MYH11: variants seen among roughly 807,000 people sequenced by gnomAD.
The protein encoded by MYH11 is myosin heavy chain 11, also known as myosin-11.
Under a neutral mutation model 246.6 loss-of-function variants are expected in MYH11, and 80 were observed. The observed-to-expected ratio is 0.32, with a 90% confidence interval of 0.27 to 0.39. The LOEUF (loss-of-function observed/expected upper bound fraction) is 0.39, where lower values mean the gene tolerates loss of function less well. Ranked by LOEUF, MYH11 falls within the 10% of genes least tolerant of loss-of-function variation. The probability of loss-of-function intolerance (pLI) is 1.00; values close to 1 mark genes in which losing one functional copy is unlikely to be tolerated. For synonymous variants in MYH11, 1,071 were observed against 1,015.5 expected, an observed-to-expected ratio of 1.05 and a Z score of -1.04; for missense variants, 2,158 against 2,546.8, an observed-to-expected ratio of 0.85 and a Z score of 3.29.
chr16:15,767,761 C>T (rs748908525), intron 9 of MYH11, among the ~76,000 whole-genome samples: 2 of 151,634 alleles, frequency 1.3e-5, no homozygotes, highest in African/African-American at 2.4e-5. Flanking sequence ...AAGAGAAGAC[C>T]CACAGAGTAG....
intron 2 of MYH11, among the ~76,000 whole-genome samples, chr16:15,835,478 A>C (rs2043866563): frequency 6.6e-6 from 1 of 152,204 alleles, no homozygotes; most frequent in Non-Finnish European, 1.5e-5. Context: ...TTTCCTAATT[A>C]GGAAAAAAAT....
chr16:15,845,434 C>G (rs1334948771), intron 1 of MYH11, among the ~76,000 whole-genome samples: 2 of 152,032 alleles, frequency 1.3e-5, no homozygotes, highest in Non-Finnish European at 2.9e-5. Flanking sequence ...CACCAAGTAC[C>G]TTCTGTTTCT....
In MYH11 at chr16:15,718,339, G is replaced by A; in HGVS notation, c.5271C>T (p.Asp1757=). The part of the protein sequence containing the change: ...EEQGNMEAMS[D]RVRKATQQAE... Reference sequence around the variant, plus strand: ...CCTGCTGTGTGGCTTTGCGGACCCGGTCGCTCATGGCCTCCATGTTGCCCT... The same window carrying A: ...CCTGCTGTGTGGCTTTGCGGACCCGATCGCTCATGGCCTCCATGTTGCCCT... Residue 1757 remains aspartate (D), a synonymous_variant, in exon 37 of 41, where the codon GAC becomes GAT. Coordinates refer to ENST00000300036, the MANE Select transcript of MYH11 (RefSeq NM_002474.3). 6.2e-7 allele frequency: 1 copy of A among 1,609,094 alleles called. No homozygotes were observed. Among genetic ancestry groups the A allele is most frequent in the Non-Finnish European group, 8.5e-7 (1 of 1,179,944 alleles).
At chr16:15,800,084 G>A (rs1442989481) in intron 3 of MYH11, among the ~76,000 whole-genome samples, 2 of 151,004 alleles carry the variant, frequency 1.3e-5, no homozygotes, top group Non-Finnish European at 3.0e-5. Context: ...AGATGAGTAG[G>A]TGAGTAGGTG....
At chr16:15,811,367 T>A (rs1365840385) in intron 3 of MYH11, among the ~76,000 whole-genome samples, 5 of 152,124 alleles carry the variant, frequency 3.3e-5, no homozygotes, top group African/African-American at 1.2e-4. Flanking sequence ...TACTACACTA[T>A]CTATACCACG....
At chr16:15,796,969 A>G (rs1180591600) in intron 4 of MYH11, among the ~76,000 whole-genome samples, 2 of 152,206 alleles carry the variant, frequency 1.3e-5, no homozygotes, top group Non-Finnish European at 2.9e-5. Context: ...CTACCATGGA[A>G]TATGAGAATT....
At chr16:15,706,802 A>T (rs551690739) in intron 40 of MYH11, among the ~76,000 whole-genome samples, 1 of 152,112 alleles carries the variant, frequency 6.6e-6, no homozygotes, top group South Asian at 2.1e-4. Flanking sequence ...GGAAGAGTCT[A>T]TTTGCTAACT....
At chr16:15,741,361 C>G (rs1031445751) in intron 22 of MYH11, 102 bp downstream of exon 22, 1 of 1,285,950 alleles carries the variant, frequency 7.8e-7, no homozygotes, top group Non-Finnish European at 1.1e-6. Flanking sequence ...GTCTCATCAT[C>G]TGTCCCAGCA....
At chr16:15,725,908 C>T in intron 28 of MYH11, 1 of 384,620 alleles carries the variant, frequency 2.6e-6, no homozygotes, top group Middle Eastern at 6.6e-4. Context: ...CTCAAAAGCC[C>T]TACATCATCT....
chr16:15,792,464 T>G (rs529101921), intron 4 of MYH11: 20 of 152,354 alleles, frequency 1.3e-4, no homozygotes, highest in African/African-American at 4.8e-4. Flanking sequence ...TCCCACTGTT[T>G]AAGCTAGGAG....
At position 15,724,358 on chromosome 16, in the gene MYH11, G is replaced by T. The variant is rs1469373877; in HGVS notation, c.4168C>A (p.Leu1390Met). Residue 1390 changes from leucine (L) to methionine (M), a missense_variant, in exon 31 of 41, where the codon CTG becomes ATG. By Grantham distance (15) the Leu-to-Met change is conservative (BLOSUM62 2). This residue lies in a region of MYH11 where 1,013 missense variants were observed against 993.5 expected (regional missense o/e 1.02). Coordinates refer to ENST00000300036, the MANE Select transcript of MYH11 (RefSeq NM_002474.3). ...LQDFASTVEA[L>M]EEGKKRFQKE... ...TGGAACCTCTTCTTCCCCTCTTCCA[G>T]AGCTTCCACGGTGCTGGCAAAGTCC... The T allele has an allele frequency of 6.2e-7, 1 of 1,614,096 alleles. No homozygotes were observed. The highest frequency in any genetic ancestry group is 1.7e-5 in the Admixed American group (1 of 60,010).
At chr16:15,848,092 T>TC (rs2044242513) in intron 1 of MYH11, among the ~76,000 whole-genome samples, 1 of 152,126 alleles carries the variant, frequency 6.6e-6, no homozygotes, top group Admixed American at 6.6e-5. Flanking sequence ...GAGCCTTGGG[T>TC]CCCCAAAACA....
At chr16:15,767,485 A>AT (rs894057579) in intron 9 of MYH11, among the ~76,000 whole-genome samples, 7 of 150,746 alleles carry the variant, frequency 4.6e-5, no homozygotes, top group South Asian at 4.2e-4. Flanking sequence ...GGTTACATTT[A>AT]TTTTTTTTTC....
intron 1 of MYH11, among the ~76,000 whole-genome samples, chr16:15,845,654 C>A (rs1456703519): frequency 6.6e-6 from 1 of 151,936 alleles, no homozygotes; most frequent in Non-Finnish European, 1.5e-5. Flanking sequence ...TTCAATCATT[C>A]CCTGATAATC....
At chr16:15,753,369 T>C (rs780320139) in intron 15 of MYH11, 25 bp downstream of exon 15, 2 of 1,599,340 alleles carry the variant, frequency 1.3e-6, no homozygotes, top group Non-Finnish European at 1.7e-6. Context: ...AAGCAGAACA[T>C]GGACCCGAGC....
chr16:15,855,518 C>A (rs72773921), intron 1 of MYH11, among the ~76,000 whole-genome samples: 1 of 152,034 alleles, frequency 6.6e-6, no homozygotes, highest in African/African-American at 2.4e-5. Flanking sequence ...CTGTGTGACA[C>A]TTTACCTCTC....
At chr16:15,816,665 A>G (rs1208131637) in intron 3 of MYH11, among the ~76,000 whole-genome samples, 1 of 152,160 alleles carries the variant, frequency 6.6e-6, no homozygotes, top group Non-Finnish European at 1.5e-5. Context: ...GGGCAAATCC[A>G]GAGGGTGAAT....
chr16:15,722,762 C>T (rs1171882569), intron 31 of MYH11, among the ~76,000 whole-genome samples: 1 of 152,132 alleles, frequency 6.6e-6, no homozygotes, highest in Non-Finnish European at 1.5e-5. Flanking sequence ...ATTTTTGAGA[C>T]AGGGTTTTCA....
In MYH11 at chr16:15,838,034, T is replaced by A. The variant is rs757303383; in HGVS notation, c.219A>T (p.Lys73Asn). Residue 73 changes from lysine (K) to asparagine (N), a missense_variant, in exon 2 of 41, where the codon AAA becomes AAT. Lys to Asn is a moderately conservative substitution (Grantham distance 94). Transcript: ENST00000300036. ...GTGGGTTCATCTTCTGGATGTCATC[T>A]TTCCCAACCGTGACCTTCTTGCCAT... Reference protein sequence around the residue: ...VENGKKVTVGKDDIQKMNPPK... With the variant: ...VENGKKVTVGNDDIQKMNPPK... 1 of 1,614,146 alleles carries A rather than the reference T, an allele frequency of 6.2e-7. No individual in the cohort carries two copies. The highest frequency in any genetic ancestry group is 1.1e-5 in the South Asian group (1 of 91,076).
Sources: allele counts gnomAD v4.1 joint callset (sites outside exome capture counted in the v4.1 genomes callset), GRCh38; gene constraint gnomAD v4.1.1; regional missense constraint gnomAD v4.1.1; transcripts MANE v1.5; gene names NCBI Gene and HGNC (gene_info 2026-07-23, HGNC 2026-07-21).